ILRUN: variants seen among roughly 807,000 people sequenced by gnomAD.
ILRUN encodes the protein inflammation and lipid regulator with UBA-like and NBR1-like domains.
A neutral mutation model predicts 33.8 loss-of-function variants in ILRUN; 3 were observed. That is an observed-to-expected ratio of 0.09 (90% CI 0.04 to 0.23). ILRUN has a LOEUF of 0.23. Among genes scored for constraint, ILRUN ranks in the 10% least tolerant of loss-of-function variants. The pLI, the probability that ILRUN is intolerant of heterozygous loss-of-function variation, is 1.00. For missense variants in ILRUN, 210 were observed against 375.1 expected, an observed-to-expected ratio of 0.56 and a Z score of 3.64; for synonymous variants, 124 against 138.9, an observed-to-expected ratio of 0.89 and a Z score of 0.75.
At chr6:34,636,932 T>C (rs973358850) in intron 3 of ILRUN, among the ~76,000 whole-genome samples, 7 of 152,202 alleles carry the variant, frequency 4.6e-5, no homozygotes, top group Non-Finnish European at 1.0e-4. Context: ...TATGTCAACA[T>C]ATTTTTCTTT....
chr6:34,596,397 A>ACCT (rs1181811547), intron 4 of ILRUN, among the ~76,000 whole-genome samples: 16 of 152,034 alleles, frequency 1.1e-4, no homozygotes, highest in African/African-American at 3.6e-4. Context: ...ACTCACTGTA[A>ACCT]CCTCTACCTC....
At chr6:34,652,805 T>C (rs1762695601) in intron 2 of ILRUN, among the ~76,000 whole-genome samples, 2 of 152,066 alleles carry the variant, frequency 1.3e-5, no homozygotes, top group South Asian at 4.1e-4. Flanking sequence ...CAACATAAAT[T>C]GTCATTAGAT....
chr6:34,628,424 C>T (rs1014379350), intron 3 of ILRUN, among the ~76,000 whole-genome samples: 3 of 151,022 alleles, frequency 2.0e-5, no homozygotes, highest in African/African-American at 7.3e-5. Flanking sequence ...CCCAGGTTCA[C>T]GCCATTCTCC....
chr6:34,614,228 C>T (rs1761820461), intron 3 of ILRUN, among the ~76,000 whole-genome samples: 1 of 151,816 alleles, frequency 6.6e-6, no homozygotes, highest in Non-Finnish European at 1.5e-5. Context: ...CGAGACCATC[C>T]TGGCTAAAAC....
At chr6:34,665,621 G>A (rs1186066948) in intron 1 of ILRUN, among the ~76,000 whole-genome samples, 2 of 151,894 alleles carry the variant, frequency 1.3e-5, no homozygotes, top group South Asian at 4.2e-4. Context: ...TAGAGATAGG[G>A]TCTTGTTACA....
intron 3 of ILRUN, among the ~76,000 whole-genome samples, chr6:34,622,899 C>T (rs117553221): frequency 1.3e-5 from 2 of 152,172 alleles, no homozygotes; most frequent in East Asian, 3.9e-4. Context: ...TATATATACA[C>T]CAAAATATTA....
chr6:34,597,523 A>G (rs1761425466), intron 4 of ILRUN, among the ~76,000 whole-genome samples: 1 of 152,128 alleles, frequency 6.6e-6, no homozygotes, highest in Non-Finnish European at 1.5e-5. Context: ...AGCTCCTGTA[A>G]CTTTCTGTCA....
chr6:34,639,180 A>C (rs1436239077), intron 3 of ILRUN, among the ~76,000 whole-genome samples: 4 of 152,182 alleles, frequency 2.6e-5, no homozygotes, highest in Non-Finnish European at 5.9e-5. Context: ...GTGGTTTGGG[A>C]CCTTCATAAG....
intron 1 of ILRUN, among the ~76,000 whole-genome samples, chr6:34,658,217 A>G (rs1176835917): frequency 6.6e-6 from 1 of 151,652 alleles, no homozygotes. Flanking sequence ...GGCATAGTGC[A>G]TGCCTGTAAT....
rs535205458 is a variant in ILRUN at position 34,643,763 on chromosome 6, C to T, written c.511+2838G>A. Among the ~76,000 whole-genome samples, 7 of 152,342 alleles carry T rather than the reference C, an allele frequency of 4.6e-5. No homozygotes were observed. The South Asian group carries it at 1.0e-3, about 23-fold the overall frequency. ...TGTTGCCCAGGCTGGAGCGCAGTGGCGCGATCTCGGCTCATGGCAACCTCC... is the reference window on the plus strand; with the variant it reads ...TGTTGCCCAGGCTGGAGCGCAGTGGTGCGATCTCGGCTCATGGCAACCTCC... On this transcript the variant is annotated intron_variant, in intron 3 of 4. Transcript: ENST00000374023.
intron 3 of ILRUN, among the ~76,000 whole-genome samples, chr6:34,640,666 C>T (rs767065101): frequency 4.6e-5 from 7 of 151,748 alleles, no homozygotes; most frequent in Middle Eastern, 3.5e-3. Context: ...GCTGAGATCA[C>T]GCCACTGCAC....
At chr6:34,675,516 T>A (rs1763211052) in intron 1 of ILRUN, among the ~76,000 whole-genome samples, 1 of 151,876 alleles carries the variant, frequency 6.6e-6, no homozygotes, top group East Asian at 1.9e-4. Context: ...AAAACAGAAG[T>A]GAATTTTATA....
intron 1 of ILRUN, among the ~76,000 whole-genome samples, chr6:34,693,102 A>C (rs1763680056): frequency 6.6e-6 from 1 of 152,010 alleles, no homozygotes; most frequent in East Asian, 1.9e-4. Context: ...AAAATCTGTC[A>C]AGATGAATTA....
chr6:34,632,128 T>A (rs1256628727), intron 3 of ILRUN, among the ~76,000 whole-genome samples: 1 of 152,100 alleles, frequency 6.6e-6, no homozygotes, highest in Non-Finnish European at 1.5e-5. Context: ...TTTAAAAAAC[T>A]ATGTGGAAAT....
chr6:34,653,132 C>CAAAAAAAAAAAAAAAAAAA (rs947213125), intron 2 of ILRUN, among the ~76,000 whole-genome samples: 1 of 51,576 alleles, frequency 1.9e-5, no homozygotes, highest in African/African-American at 6.2e-5. Flanking sequence ...GACCTTGTCT[C>CAAAAAAAAAAAAAAAAAAA]AAAAAAAAAA....
chr6:34,682,549 C>T (rs745305949), intron 1 of ILRUN, among the ~76,000 whole-genome samples: 24 of 152,134 alleles, frequency 1.6e-4, no homozygotes, highest in East Asian at 1.2e-3. Flanking sequence ...TGAGCCACCG[C>T]GCCCAGCCAA....
chr6:34,683,273 G>A (rs913584836), intron 1 of ILRUN, among the ~76,000 whole-genome samples: 1 of 150,712 alleles, frequency 6.6e-6, no homozygotes, highest in African/African-American at 2.4e-5. Context: ...GGAGGTATAA[G>A]GGCCTTGTTA....
chr6:34,657,970 A>G (rs1762809274), intron 1 of ILRUN, among the ~76,000 whole-genome samples: 1 of 152,244 alleles, frequency 6.6e-6, no homozygotes, highest in African/African-American at 2.4e-5. Context: ...TGCTCAAAAA[A>G]GTTTTAAATC....
chr6:34,627,750 C>A (rs1762167641), intron 3 of ILRUN, among the ~76,000 whole-genome samples: 1 of 147,866 alleles, frequency 6.8e-6, no homozygotes, highest in African/African-American at 2.5e-5. Context: ...GTAGCCCAGG[C>A]TGGAGTGCAA....
Sources: allele counts gnomAD v4.1 joint callset (sites outside exome capture counted in the v4.1 genomes callset), GRCh38; gene constraint gnomAD v4.1.1; transcripts MANE v1.5; gene names NCBI Gene and HGNC (gene_info 2026-07-23, HGNC 2026-07-21).